The following MBTPS1 variants were observed in gnomAD, a reference collection of about 807,000 sequenced individuals.
MBTPS1 encodes membrane-bound transcription factor site-1 protease.
In MBTPS1, 94 loss-of-function variants were observed where a neutral mutation model predicts 127.8. That is an observed-to-expected ratio of 0.74 (90% CI 0.62 to 0.87). The LOEUF is 0.87. Ranked by LOEUF, MBTPS1 falls within the 40% of genes least tolerant of loss-of-function variation. The probability of loss-of-function intolerance (pLI) is 0.00; values close to 1 mark genes in which losing one functional copy is unlikely to be tolerated. For synonymous variants in MBTPS1, 632 were observed against 509.4 expected, an observed-to-expected ratio of 1.24 and a Z score of -3.24; for missense variants, 1,636 against 1,353.2, an observed-to-expected ratio of 1.21 and a Z score of -3.28.
At chr16:84,073,110 T>C (rs771404025) in intron 12 of MBTPS1, among the ~76,000 whole-genome samples, 16 of 152,284 alleles carry the variant, frequency 1.1e-4, no homozygotes, top group Non-Finnish European at 2.1e-4. Flanking sequence ...CATTAAGAAG[T>C]ATACTGGTGC....
chr16:84,095,703 T>C lies in MBTPS1; in HGVS notation c.524A>G (p.His175Arg), dbSNP rs1423171449. Residue 175 changes from histidine to arginine, a missense_variant, in exon 4 of 23, where the codon CAT becomes CGT. Transcript: ENST00000343411. The part of the protein sequence containing the change: ...ASLSLGSGFW[H>R]ATGRHSSRRL... ...TCTGCTCGAATGCCTTCCCGTAGCA[T>C]GCCAGAAGCCAGAGCCCAGGGAGAG... The C allele has an allele frequency of 6.2e-7, 1 of 1,614,254 alleles. No homozygotes were observed. The highest frequency in any genetic ancestry group is 2.2e-5 in the East Asian group (1 of 44,890).
chr16:84,055,297 G>A (rs1030799127), intron 22 of MBTPS1, among the ~76,000 whole-genome samples: 3 of 152,226 alleles, frequency 2.0e-5, no homozygotes, highest in African/African-American at 4.8e-5. Context: ...GGACTGCACA[G>A]ACAGGGGTGC....
chr16:84,074,878 CT>C (rs1475204728), intron 11 of MBTPS1, 137 bp from the exon 12 acceptor site: 1 of 724,618 alleles, frequency 1.4e-6, no homozygotes, highest in Non-Finnish European at 2.2e-6. Flanking sequence ...AGGCTGGCAT[CT>C]GGGAACTTGG....
intron 10 of MBTPS1, among the ~76,000 whole-genome samples, chr16:84,083,019 G>A (rs1476400584): frequency 6.6e-6 from 1 of 152,182 alleles, no homozygotes. Context: ...GAAAATATCT[G>A]TACTTAAAGA....
chr16:84,104,486 CAAAA>C (rs1358875713), intron 1 of MBTPS1, among the ~76,000 whole-genome samples: 1 of 151,948 alleles, frequency 6.6e-6, no homozygotes, highest in Non-Finnish European at 1.5e-5. Context: ...AACAAACAAA[CAAAA>C]AAGCCTCTTA....
In MBTPS1 at chr16:84,054,550, G is replaced by T. The variant is rs1214088891; in HGVS notation, c.3058C>A (p.Gln1020Lys). The change falls in exon 23 of 23, where the codon CAA (glutamine) becomes AAA (lysine). Residue 1020 changes from glutamine (Q) to lysine (K), a missense_variant. By Grantham distance (53) the Gln-to-Lys change is moderately conservative. Coordinates refer to ENST00000343411, the MANE Select transcript of MBTPS1 (RefSeq NM_003791.4). ...AMVVLAFFVV[Q>K]INKAKSRPKR... ...GGCCTGCTCTTGGCCTTGTTGATTT[G>T]TACCACAAAGAAGGCCAGGACCACC... is the stretch of plus-strand genomic sequence containing the variant. 5 of 1,613,862 alleles carry T rather than the reference G, an allele frequency of 3.1e-6. No individual in the cohort carries two copies. In the African/African-American group the frequency reaches 4.0e-5, roughly 13 times the overall value.
chr16:84,069,523 G>C (rs1374002333), intron 14 of MBTPS1, among the ~76,000 whole-genome samples: 5 of 152,220 alleles, frequency 3.3e-5, no homozygotes, highest in African/African-American at 7.2e-5. Flanking sequence ...CCAGGCAAGA[G>C]ATGACAATGG....
At chr16:84,091,910 T>C in intron 6 of MBTPS1, 62 bp from the exon 7 acceptor site, 1 of 937,898 alleles carries the variant, frequency 1.1e-6, no homozygotes, top group Non-Finnish European at 1.7e-6. Flanking sequence ...GCTAGGACAG[T>C]TTTTATTTCT....
intron 1 of MBTPS1, among the ~76,000 whole-genome samples, chr16:84,104,795 G>C (rs1041939003): frequency 6.6e-6 from 1 of 152,058 alleles, no homozygotes; most frequent in African/African-American, 2.4e-5. Context: ...GGCCAGGCGC[G>C]GTGGCTCACA....
rs372706164 is a variant in MBTPS1 at position 84,091,862 on chromosome 16, A to G, written c.847-14T>C. On this transcript the variant is annotated splice_polypyrimidine_tract_variant and intron_variant, in intron 6 of 22. Transcript: ENST00000343411. ...TGTGTAAGATACCTAGTTAAATATT[A>G]TAACAGTCTGCTTAGTGTTTCAATC... 1.9e-3 allele frequency: 2,590 copies of G among 1,384,186 alleles called. 41 individuals carry two copies. The South Asian group carries it at 0.024, about 13-fold the overall frequency. 85.7% of individuals were successfully genotyped at this position (1,384,186 alleles called of 1,614,324 possible).
At position 84,099,262 on chromosome 16, in the gene MBTPS1, GA is replaced by G; in HGVS notation, c.211del (p.Ser71HisfsTer7). ...GCTCTTCAGGGCACTTGAAATAAATGAATTTCTAGCTTTGGCTGTAAAGTAT... is the reference window on the plus strand; with the variant it reads ...GCTCTTCAGGGCACTTGAAATAAATGATTTCTAGCTTTGGCTGTAAAGTAT... ...NGYFTAKARN[S>X]FISSALKSSE... On this transcript the variant is annotated frameshift_variant, in exon 3 of 23. Coordinates refer to ENST00000343411, the MANE Select transcript of MBTPS1 (RefSeq NM_003791.4). LOFTEE classifies it high-confidence loss of function. 1 of 1,614,052 alleles carries G rather than the reference GA, an allele frequency of 6.2e-7. No homozygotes were observed. Among genetic ancestry groups the G allele is most frequent in the Non-Finnish European group, 8.5e-7 (1 of 1,179,988 alleles).
rs534921344 is a variant in MBTPS1 at position 84,063,897 on chromosome 16, G to A, written c.2432-452C>T. On this transcript the variant is annotated intron_variant, in intron 18 of 22. Coordinates refer to ENST00000343411, the MANE Select transcript of MBTPS1 (RefSeq NM_003791.4). ...ATATATACTAATACCCAGGTTTCACGTTTTATTATGAAAAGCTAGGACAAA... is the reference window on the plus strand; with the variant it reads ...ATATATACTAATACCCAGGTTTCACATTTTATTATGAAAAGCTAGGACAAA... Among the ~76,000 whole-genome samples, 34 of 152,250 alleles carry A rather than the reference G, an allele frequency of 2.2e-4. No individual in the cohort carries two copies. The South Asian group carries it at 6.2e-3, about 28-fold the overall frequency.
chr16:84,087,473 C>CAAAAAAAAAAAAAAAAAAAAAA lies in MBTPS1; in HGVS notation c.1032-14_1032-13insTTTTTTTTTTTTTTTTTTTTTT. 5.8e-6 allele frequency: 6 copies of CAAAAAAAAAAAAAAAAAAAAAA among 1,036,170 alleles called. No individual in the cohort carries two copies. The highest frequency in any genetic ancestry group is 5.1e-5 in the East Asian group (2 of 39,308). 64.2% of individuals were successfully genotyped at this position (1,036,170 alleles called of 1,614,324 possible). On this transcript the variant is annotated splice_polypyrimidine_tract_variant and intron_variant, in intron 8 of 22. Transcript: ENST00000343411. The stretch of plus-strand genomic sequence containing the variant: ...GTTATTCAGAGTGCTATATTGAGAC[C>CAAAAAAAAAAAAAAAAAAAAAA]AAAAAAAAAAAAAAAGAAAAGAAAA...
chr16:84,103,389 G>A (rs2086283886), intron 1 of MBTPS1, among the ~76,000 whole-genome samples: 1 of 151,806 alleles, frequency 6.6e-6, no homozygotes, highest in Non-Finnish European at 1.5e-5. Context: ...CTCCCGAGTA[G>A]CTGGGACTAT....
In MBTPS1 at chr16:84,068,427, G is replaced by A; in HGVS notation, c.1983C>T (p.Phe661=). The change falls in exon 15 of 23, where the codon TTC becomes TTT. Residue 661 remains phenylalanine (F), a synonymous_variant. Coordinates refer to ENST00000343411, the MANE Select transcript of MBTPS1 (RefSeq NM_003791.4). The part of the protein sequence containing the change: ...DWNGDHIHTN[F]RDMYQHLRSM... ...TTCTCAGATGCTGGTACATATCCCT[G>A]AAATTGGTGTGGATGTGATCACCAT... 1.2e-6 allele frequency: 2 copies of A among 1,614,012 alleles called. No homozygotes were observed. The highest frequency in any genetic ancestry group is 1.7e-6 in the Non-Finnish European group (2 of 1,179,826).
rs1025963800 is a variant in MBTPS1 at position 84,054,183 on chromosome 16, G to A, written c.*266C>T. ...CCCAGACAGCCTTTCCAGTTCTCCCGAGTCTTTGGTGCGCACAGCTGCCGG... is the reference window on the plus strand; with the variant it reads ...CCCAGACAGCCTTTCCAGTTCTCCCAAGTCTTTGGTGCGCACAGCTGCCGG... On this transcript the variant is annotated 3_prime_UTR_variant, in exon 23 of 23. Transcript: ENST00000343411. 2 of 311,328 alleles carry A rather than the reference G, an allele frequency of 6.4e-6. No homozygotes were observed. The highest frequency in any genetic ancestry group is 5.9e-6 in the Non-Finnish European group (1 of 168,908). 19.3% of individuals were successfully genotyped at this position (311,328 alleles called of 1,614,324 possible).
chr16:84,090,046 C>T (rs1597336016), intron 8 of MBTPS1, among the ~76,000 whole-genome samples: 1 of 152,226 alleles, frequency 6.6e-6, no homozygotes, highest in South Asian at 2.1e-4. Context: ...CGATCATTTA[C>T]TCAACTATTA....
chr16:84,054,633 C>T lies in MBTPS1; in HGVS notation c.2975G>A (p.Gly992Asp), dbSNP rs1486256864. The T allele has an allele frequency of 6.2e-7, 1 of 1,606,634 alleles. No homozygotes were observed. Among genetic ancestry groups the T allele is most frequent in the Non-Finnish European group, 8.5e-7 (1 of 1,175,808 alleles). The change falls in exon 23 of 23, where the codon GGC (glycine) becomes GAC (aspartate). Residue 992 changes from glycine to aspartate, a missense_variant. Physicochemically the swap from Gly to Asp is moderately conservative, Grantham distance 94. Transcript: ENST00000343411. ...AWDIPGGIMP[G>D]RYNQEVGQTI... ...CTGGCCCACCTCCTGGTTGTAGCGGCCAGGCATGATCCCTGTAAGAGGACA... is the reference window on the plus strand; with the variant it reads ...CTGGCCCACCTCCTGGTTGTAGCGGTCAGGCATGATCCCTGTAAGAGGACA...
intron 21 of MBTPS1, chr16:84,057,218 G>A (rs1284205651): frequency 2.6e-5 from 4 of 152,154 alleles, no homozygotes; most frequent in African/African-American, 4.8e-5. Flanking sequence ...ATTATAACCC[G>A]CCCTATTTTA....
Sources: gnomAD v4.1 joint callset for allele counts (sites outside exome capture counted in the v4.1 genomes callset) on GRCh38, gnomAD v4.1.1 for gene constraint, MANE v1.5 for transcripts, NCBI Gene and HGNC (gene_info 2026-07-23, HGNC 2026-07-21) for gene names.